Variants in SPECC1 observed in about 807,000 individuals in gnomAD.
SPECC1 encodes the protein cytospin-B.
In SPECC1, 62 loss-of-function variants were observed where a neutral mutation model predicts 104.1. The ratio of observed to expected loss-of-function variants is 0.60; its 90% CI spans 0.49 to 0.74. SPECC1 has a LOEUF of 0.74. Ranked by LOEUF, SPECC1 falls within the 30% of genes least tolerant of loss-of-function variation. The probability of loss-of-function intolerance (pLI) is 0.00; values close to 1 mark genes in which losing one functional copy is unlikely to be tolerated. For missense variants in SPECC1, 1,306 were observed against 1,310.5 expected (o/e 1.00, Z 0.05); for synonymous variants, 513 against 501.6 (o/e 1.02, Z -0.30).
In SPECC1 at chr17:20,073,913, C is replaced by T. The variant is rs371562430; in HGVS notation, c.-21-22718C>T. On this transcript the variant is annotated intron_variant, in intron 1 of 14. Coordinates refer to ENST00000395527, the MANE Select transcript of SPECC1 (RefSeq NM_001243439.2). ...GGGGGCTGAAAAAGGATTTGAAACC[C>T]ACCTTTTGACGTGTTGAAAGAAAAT... Among the ~76,000 whole-genome samples, 70 of 152,262 alleles carry T rather than the reference C, an allele frequency of 4.6e-4. 1 individual carries two copies. The highest frequency in any genetic ancestry group is 1.6e-3 in the African/African-American group (68 of 41,552).
chr17:20,252,260 AT>A (rs1038326678), intron 9 of SPECC1, among the ~76,000 whole-genome samples: 2 of 151,770 alleles, frequency 1.3e-5, no homozygotes, highest in South Asian at 2.1e-4. Context: ...CTCTAGAAAA[AT>A]TTTTTTTTAA....
At chr17:20,162,197 G>T (rs1051223582) in intron 3 of SPECC1, among the ~76,000 whole-genome samples, 6 of 151,990 alleles carry the variant, frequency 3.9e-5, no homozygotes, top group Non-Finnish European at 8.8e-5. Context: ...CCAGGCTGGA[G>T]TGCAGTGGCA....
intron 2 of SPECC1, among the ~76,000 whole-genome samples, chr17:20,098,802 G>C (rs1020273876): frequency 6.6e-6 from 1 of 152,190 alleles, no homozygotes; most frequent in Non-Finnish European, 1.5e-5. Flanking sequence ...GCACACACCT[G>C]CTTGTTTACG....
intron 9 of SPECC1, among the ~76,000 whole-genome samples, chr17:20,252,093 G>A (rs2039654087): frequency 6.6e-6 from 1 of 152,114 alleles, no homozygotes. Flanking sequence ...TAGAAAAACA[G>A]AGGGTGTTTT....
At chr17:20,148,430 G>T (rs2031667625) in intron 3 of SPECC1, among the ~76,000 whole-genome samples, 2 of 151,378 alleles carry the variant, frequency 1.3e-5, no homozygotes, top group South Asian at 4.2e-4. Context: ...CTAGAGATAG[G>T]GTCTTGTGCT....
rs535174141 is a variant in SPECC1, at chr17:20,228,858, C to G, written c.2071+1238C>G. On this transcript the variant is annotated intron_variant, in intron 5 of 14. Coordinates refer to ENST00000395527, the MANE Select transcript of SPECC1 (RefSeq NM_001243439.2). Reference sequence around the variant, plus strand: ...ACATCTAATGTGTTTTCTTTTGTAACAAAAGATTTAATGCACAAAGCATTT... The same window carrying G: ...ACATCTAATGTGTTTTCTTTTGTAAGAAAAGATTTAATGCACAAAGCATTT... Among the ~76,000 whole-genome samples the G allele has an allele frequency of 2.0e-5, 3 of 152,248 alleles. No individual in the cohort carries two copies. In the East Asian group the frequency reaches 5.8e-4, roughly 29 times the overall value.
chr17:20,284,770 A>C (rs1013862281), intron 12 of SPECC1, among the ~76,000 whole-genome samples: 1 of 152,240 alleles, frequency 6.6e-6, no homozygotes, highest in African/African-American at 2.4e-5. Context: ...TGTGATAATA[A>C]AGACCAATTG....
intron 4 of SPECC1, among the ~76,000 whole-genome samples, chr17:20,207,907 T>G (rs1567941815): frequency 6.6e-6 from 1 of 152,230 alleles, no homozygotes; most frequent in African/African-American, 2.4e-5. Context: ...TGTTTCTACT[T>G]TTATCTTTAT....
intron 2 of SPECC1, among the ~76,000 whole-genome samples, chr17:20,099,026 T>C (rs773481972): frequency 5.3e-5 from 8 of 152,318 alleles, no homozygotes; most frequent in Non-Finnish European, 1.2e-4. Context: ...GAATCCTGGC[T>C]CTGCCACTTC....
chr17:20,062,813 C>T (rs966044256), intron 1 of SPECC1, among the ~76,000 whole-genome samples: 2 of 151,964 alleles, frequency 1.3e-5, no homozygotes, highest in Admixed American at 6.6e-5. Context: ...CTCAGCCTCC[C>T]GAGTAGCAAG....
chr17:20,296,596 A>G (rs1013707959), intron 12 of SPECC1, among the ~76,000 whole-genome samples: 8 of 152,188 alleles, frequency 5.3e-5, no homozygotes, highest in Admixed American at 2.0e-4. Context: ...CATTGAATCT[A>G]TAAATTACCT....
chr17:20,250,382 AAGCT>A (rs779587164), intron 9 of SPECC1, among the ~76,000 whole-genome samples: 7 of 152,208 alleles, frequency 4.6e-5, no homozygotes, highest in Non-Finnish European at 7.3e-5. Flanking sequence ...CTGACAAGAA[AAGCT>A]AATGCAAAAT....
intron 4 of SPECC1, among the ~76,000 whole-genome samples, chr17:20,209,420 A>G (rs2036991397): frequency 6.6e-6 from 1 of 152,240 alleles, no homozygotes; most frequent in Admixed American, 6.5e-5. Context: ...AGATTACTCA[A>G]GCAACCCAGA....
At chr17:20,290,741 T>C (rs1177491373) in intron 12 of SPECC1, among the ~76,000 whole-genome samples, 1 of 152,166 alleles carries the variant, frequency 6.6e-6, no homozygotes, top group Non-Finnish European at 1.5e-5. Context: ...GGTCTCGAAC[T>C]CCTAACCTCA....
chr17:20,087,963 G>A (rs2047241189), intron 1 of SPECC1, among the ~76,000 whole-genome samples: 1 of 152,182 alleles, frequency 6.6e-6, no homozygotes, highest in Non-Finnish European at 1.5e-5. Flanking sequence ...TGTGTGAGGA[G>A]CTGGGGGGAC....
rs2095499530 is a variant in SPECC1 at position 20,205,772 on chromosome 17, G to T, written c.1723G>T (p.Ala575Ser). The change falls in exon 4 of 15, where the codon GCA becomes TCA. Residue 575 changes from alanine (A) to serine (S), a missense_variant. By Grantham distance (99) the Ala-to-Ser change is moderately conservative. This residue lies in a region of SPECC1 where 1,177 missense variants were observed against 1,139.9 expected (regional missense o/e 1.03). Coordinates refer to ENST00000395527, the MANE Select transcript of SPECC1 (RefSeq NM_001243439.2). ...ATEASAVEQTAESCEVQEMLK... is the reference protein window; with the variant it reads ...ATEASAVEQTSESCEVQEMLK... ...AGAGGCCAGTGCTGTGGAGCAGACG[G>T]CAGAGAGCTGCGAAGTTCAAGAAAT... The T allele has an allele frequency of 3.1e-6, 5 of 1,614,206 alleles. No individual in the cohort carries two copies. The highest frequency in any genetic ancestry group is 4.2e-6 in the Non-Finnish European group (5 of 1,180,018).
chr17:20,094,696 G>C (rs1307457528), intron 1 of SPECC1, among the ~76,000 whole-genome samples: 1 of 150,180 alleles, frequency 6.7e-6, no homozygotes, highest in African/African-American at 2.5e-5. Flanking sequence ...TTTTTATTTA[G>C]AGAGAGGTTT....
chr17:20,129,436 C>G (rs772923403), intron 3 of SPECC1, among the ~76,000 whole-genome samples: 2 of 151,302 alleles, frequency 1.3e-5, no homozygotes, highest in African/African-American at 4.9e-5. Flanking sequence ...GATCTACGCA[C>G]CTCGGCCTCC....
In SPECC1 at chr17:20,250,135, A is replaced by G. The variant is rs551248902; in HGVS notation, c.2598+2816A>G. Among the ~76,000 whole-genome samples the G allele has an allele frequency of 1.4e-4, 21 of 152,348 alleles. No individual in the cohort carries two copies. In the East Asian group the frequency reaches 4.0e-3, roughly 29 times the overall value. On this transcript the variant is annotated intron_variant, in intron 9 of 14. Transcript: ENST00000395527. ...AAGAATGATGGAAGCCCTGAAGACA[A>G]TGCAGTGGCATCTGCAAAATGCTGA...
Sources: gnomAD v4.1 joint callset for allele counts (sites outside exome capture counted in the v4.1 genomes callset) on GRCh38, gnomAD v4.1.1 for gene constraint, gnomAD v4.1.1 regional missense constraint, MANE v1.5 for transcripts, NCBI Gene and HGNC (gene_info 2026-07-23, HGNC 2026-07-21) for gene names.